Variants in PAK1 observed in about 807,000 individuals in gnomAD.
PAK1 encodes the protein p21 (RAC1) activated kinase 1.
PAK1 carries 29 observed loss-of-function variants against 67.4 expected under a neutral mutation model. The observed-to-expected ratio is 0.43, with a 90% CI of 0.32 to 0.59. PAK1 has a LOEUF of 0.59. Among genes scored for constraint, PAK1 ranks in the 20% least tolerant of loss-of-function variants. The pLI is 0.07. For missense variants in PAK1, 337 were observed against 670.7 expected (o/e 0.50, Z 5.50); for synonymous variants, 223 against 237.4 (o/e 0.94, Z 0.56).
intron 10 of PAK1, among the ~76,000 whole-genome samples, chr11:77,342,793 T>A (rs927127713): frequency 6.6e-6 from 1 of 151,956 alleles, no homozygotes; most frequent in Non-Finnish European, 1.5e-5. Flanking sequence ...TAGCTGGTCA[T>A]GCAATATAAG....
chr11:77,363,229 C>A (rs540054995), intron 5 of PAK1, among the ~76,000 whole-genome samples: 4 of 151,996 alleles, frequency 2.6e-5, no homozygotes, highest in African/African-American at 9.7e-5. Context: ...CTGGGCAGCT[C>A]GGAATGATAT....
At chr11:77,359,140 C>A in intron 5 of PAK1, 123 bp from the exon 6 acceptor site, 1 of 816,600 alleles carries the variant, frequency 1.2e-6, no homozygotes, top group East Asian at 2.7e-5. Flanking sequence ...ACATTAGCCT[C>A]CAAGCTCTCA....
At position 77,392,180 on chromosome 11, in the gene PAK1, C is replaced by CTTCCGTACA. The variant is rs1220025133; in HGVS notation, c.190+150_190+151insTGTACGGAA. On this transcript the variant is annotated intron_variant, in intron 2 of 14. Transcript: ENST00000356341. ...AAAAATAGGTCTATTTTCCATTTTG[C>CTTCCGTACA]TTCAGCCACTGTAGGGAGAAAGGGA... The CTTCCGTACA allele has an allele frequency of 5.7e-6, 3 of 530,060 alleles. No homozygotes were observed. In the East Asian group the frequency reaches 9.0e-5, roughly 16 times the overall value. 32.8% of individuals were successfully genotyped at this position (530,060 alleles called of 1,614,324 possible).
chr11:77,495,493 A>C, the PAK1 span, among the ~76,000 whole-genome samples: 2 of 152,252 alleles, frequency 1.3e-5, no homozygotes, highest in South Asian at 4.1e-4. Context: ...AAGTAAAGTA[A>C]AATAAAAATA....
intron 12 of PAK1, 90 bp downstream of exon 12, chr11:77,337,234 T>A: frequency 1.7e-6 from 1 of 579,208 alleles, no homozygotes; most frequent in South Asian, 2.5e-5. Context: ...CTTTGGTGAG[T>A]GTCGTAGTTA....
chr11:77,460,887 G>A (rs1277182541), intron 1 of PAK1, among the ~76,000 whole-genome samples: 1 of 151,982 alleles, frequency 6.6e-6, no homozygotes, highest in Non-Finnish European at 1.5e-5. Context: ...GTAAAGGGCA[G>A]AAAAAAAGTG....
the PAK1 span, among the ~76,000 whole-genome samples, chr11:77,509,130 G>C: frequency 2.6e-5 from 4 of 151,492 alleles, no homozygotes; most frequent in Admixed American, 1.3e-4. Flanking sequence ...CAGTGGTGAG[G>C]GCCTGTAGTC....
intron 1 of PAK1, among the ~76,000 whole-genome samples, chr11:77,420,286 T>C (rs1211534503): frequency 6.6e-6 from 1 of 152,194 alleles, no homozygotes; most frequent in Non-Finnish European, 1.5e-5. Flanking sequence ...TTGGAAATAG[T>C]AAATAATCTC....
At chr11:77,446,498 C>G (rs561255182) in intron 1 of PAK1, among the ~76,000 whole-genome samples, 1 of 126,338 alleles carries the variant, frequency 7.9e-6, no homozygotes, top group African/African-American at 3.3e-5. Flanking sequence ...AGTGAAACAG[C>G]GAGACCCTGT....
chr11:77,501,567 T>G, the PAK1 span, among the ~76,000 whole-genome samples: 19 of 152,190 alleles, frequency 1.2e-4, no homozygotes, highest in African/African-American at 1.9e-4. Context: ...TCCATACAAG[T>G]GACCAGTCAG....
At chr11:77,517,840 G>A in the PAK1 span, among the ~76,000 whole-genome samples, 2 of 152,118 alleles carry the variant, frequency 1.3e-5, no homozygotes, top group Non-Finnish European at 2.9e-5. Context: ...ATTCTCATAA[G>A]GAGCACACAA....
intron 1 of PAK1, among the ~76,000 whole-genome samples, chr11:77,452,019 A>G (rs1956881466): frequency 6.6e-6 from 1 of 152,204 alleles, no homozygotes; most frequent in African/African-American, 2.4e-5. Flanking sequence ...TAAGAGAGCT[A>G]TTATTGTCTC....
intron 1 of PAK1, among the ~76,000 whole-genome samples, chr11:77,443,188 T>A (rs1217016207): frequency 6.6e-6 from 1 of 151,198 alleles, no homozygotes; most frequent in Non-Finnish European, 1.5e-5. Context: ...CCGGGTGTGG[T>A]AGCGCACGCC....
intron 1 of PAK1, among the ~76,000 whole-genome samples, chr11:77,400,836 C>T (rs1952578851): frequency 2.0e-5 from 3 of 152,148 alleles, no homozygotes; most frequent in African/African-American, 7.2e-5. Flanking sequence ...TCGTCAGCTA[C>T]CGTTTGACAA....
chr11:77,441,489 G>A (rs1027149950), intron 1 of PAK1, among the ~76,000 whole-genome samples: 4 of 152,080 alleles, frequency 2.6e-5, no homozygotes, highest in Non-Finnish European at 5.9e-5. Context: ...TTCAACAGAC[G>A]AAAAGTAGAG....
chr11:77,326,974 C>A (rs1031666777), intron 14 of PAK1, among the ~76,000 whole-genome samples: 12 of 152,232 alleles, frequency 7.9e-5, no homozygotes, highest in African/African-American at 2.4e-4. Flanking sequence ...GGCACGAGAG[C>A]TACGTGACGA....
At chr11:77,385,130 A>C (rs1439840620) in intron 2 of PAK1, among the ~76,000 whole-genome samples, 1 of 152,202 alleles carries the variant, frequency 6.6e-6, no homozygotes. Context: ...AAAATGCTGA[A>C]AGCTTTTCCT....
chr11:77,517,593 G>A, the PAK1 span, among the ~76,000 whole-genome samples: 142 of 152,340 alleles, frequency 9.3e-4, 1 homozygote, highest in Middle Eastern at 6.8e-3. Flanking sequence ...TGTTTCCACA[G>A]ACCAGTGTGT....
the PAK1 span, among the ~76,000 whole-genome samples, chr11:77,528,828 C>G: frequency 1.3e-5 from 2 of 152,034 alleles, no homozygotes; most frequent in Admixed American, 6.6e-5. Context: ...TCTCACAAAC[C>G]AGTGGTTAGA....
Sources: allele counts gnomAD v4.1 joint callset (sites outside exome capture counted in the v4.1 genomes callset), GRCh38; gene constraint gnomAD v4.1.1; transcripts MANE v1.5; gene names NCBI Gene and HGNC (gene_info 2026-07-23, HGNC 2026-07-21).